The following SPESP1 variants were observed in gnomAD, a reference collection of about 807,000 sequenced individuals.
The protein encoded by SPESP1 is equatorial segment protein.
In SPESP1, 1 loss-of-function variant was observed where a neutral mutation model predicts 3.1. That is an observed-to-expected ratio of 0.33 (90% CI 0.12 to 1.54). The LOEUF (loss-of-function observed/expected upper bound fraction) is 1.54, where lower values mean the gene tolerates loss of function less well. Among genes scored for constraint, SPESP1 ranks in the 40% most tolerant of loss-of-function variants. SPESP1 has a pLI of 0.38. For missense variants in SPESP1, 398 were observed against 410.1 expected, an observed-to-expected ratio of 0.97 and a Z score of 0.26; for synonymous variants, 138 against 150.7, an observed-to-expected ratio of 0.92 and a Z score of 0.62.
intron 1 of SPESP1, among the ~76,000 whole-genome samples, chr15:68,931,961 A>G (rs537272183): frequency 6.6e-6 from 1 of 152,374 alleles, no homozygotes; most frequent in Admixed American, 6.5e-5. Flanking sequence ...TAAAAATCAA[A>G]TTTAAAAACT....
chr15:68,946,265 A>G lies in SPESP1; in HGVS notation c.731A>G (p.Asp244Gly), dbSNP rs1460296410. 4 of 1,614,010 alleles carry G rather than the reference A, an allele frequency of 2.5e-6. No individual in the cohort carries two copies. In the African/African-American group the frequency reaches 5.3e-5, roughly 22 times the overall value. The part of the protein sequence containing the change: ...NSQVQQALLS[D>G]TSNPAYREDI... Reference sequence around the variant, plus strand: ...CAAGTGCAACAGGCACTTCTTAGTGACACCAGCAACCCAGCATATAGAGAA... The same window carrying G: ...CAAGTGCAACAGGCACTTCTTAGTGGCACCAGCAACCCAGCATATAGAGAA... The change falls in exon 2 of 2, where the codon GAC (aspartate) becomes GGC (glycine). Residue 244 changes from aspartate (D) to glycine (G), a missense_variant. Physicochemically the swap from Asp to Gly is moderately conservative, Grantham distance 94. Transcript: ENST00000310673.
chr15:68,942,431 A>G (rs1320458929), intron 1 of SPESP1, among the ~76,000 whole-genome samples: 1 of 152,030 alleles, frequency 6.6e-6, no homozygotes, highest in Non-Finnish European at 1.5e-5. Flanking sequence ...ATTTTCCCTC[A>G]TCTAATTGCA....
At chr15:68,935,375 C>A (rs1406246068) in intron 1 of SPESP1, among the ~76,000 whole-genome samples, 1 of 152,210 alleles carries the variant, frequency 6.6e-6, no homozygotes, top group Non-Finnish European at 1.5e-5. Flanking sequence ...TGAGGTCACT[C>A]ATGCAGCTGC....
chr15:68,937,377 A>AT (rs1895706490), intron 1 of SPESP1, among the ~76,000 whole-genome samples: 1 of 152,240 alleles, frequency 6.6e-6, no homozygotes, highest in Non-Finnish European at 1.5e-5. Context: ...TATTAAACTA[A>AT]CAAATACAGT....
chr15:68,946,370 A>C lies in SPESP1; in HGVS notation c.836A>C (p.Tyr279Ser). Reference sequence around the variant, plus strand: ...GCAGAACATAAATTAAAAACAATGTATAAGTCCCAGTTATTGCCAGTAGGA... The same window carrying C: ...GCAGAACATAAATTAAAAACAATGTCTAAGTCCCAGTTATTGCCAGTAGGA... ...AAAEHKLKTM[Y>S]KSQLLPVGRT... The change falls in exon 2 of 2, where the codon TAT becomes TCT. Residue 279 changes from tyrosine to serine, a missense_variant. Tyr to Ser is a moderately radical substitution (Grantham distance 144, BLOSUM62 -2). Coordinates refer to ENST00000310673, the MANE Select transcript of SPESP1 (RefSeq NM_145658.4). 1 of 1,614,226 alleles carries C rather than the reference A, an allele frequency of 6.2e-7. No homozygotes were observed.
intron 1 of SPESP1, among the ~76,000 whole-genome samples, chr15:68,935,199 A>G (rs949273828): frequency 6.6e-6 from 1 of 152,216 alleles, no homozygotes; most frequent in African/African-American, 2.4e-5. Context: ...CATAGGATGC[A>G]TCTTGATTTT....
Position 68,930,569 on chromosome 15 carries a change from A to C in SPESP1, c.-85A>C. The C allele has an allele frequency of 6.4e-7, 1 of 1,572,760 alleles. No individual in the cohort carries two copies. The highest frequency in any genetic ancestry group is 1.1e-5 in the South Asian group (1 of 89,706). ...CCTGAGGCAGGACGGTACTCCGCTG[A>C]CACCTTCCCTTTCGGCCTTGAGGTT... On this transcript the variant is annotated 5_prime_UTR_variant, in exon 1 of 2. Coordinates refer to ENST00000310673, the MANE Select transcript of SPESP1 (RefSeq NM_145658.4).
intron 1 of SPESP1, 35 bp downstream of exon 1, chr15:68,930,752 G>A (rs775877161): frequency 8.7e-6 from 14 of 1,613,252 alleles, no homozygotes; most frequent in East Asian, 4.5e-5. Flanking sequence ...GCGGACCGGG[G>A]ACACCCTGGG....
At chr15:68,938,731 A>G (rs1250524299) in intron 1 of SPESP1, among the ~76,000 whole-genome samples, 2 of 152,196 alleles carry the variant, frequency 1.3e-5, no homozygotes, top group African/African-American at 4.8e-5. Context: ...TTATGACAAC[A>G]TTGTGTGGTT....
At position 68,946,727 on chromosome 15, in the gene SPESP1, G is replaced by A. The variant is rs904619759; in HGVS notation, c.*140G>A. ...AAATATTTTCTATTGTAGTTCAAAT[G>A]TGCCAACATCTTTATGTGTCATGTG... On this transcript the variant is annotated 3_prime_UTR_variant, in exon 2 of 2. Transcript: ENST00000310673. 5 of 1,085,254 alleles carry A rather than the reference G, an allele frequency of 4.6e-6. No individual in the cohort carries two copies. The highest frequency in any genetic ancestry group is 7.5e-5 in the Admixed American group (2 of 26,562). 67.2% of individuals were successfully genotyped at this position (1,085,254 alleles called of 1,614,324 possible). A position where few individuals can be genotyped will look rare whatever the true frequency, so the allele number is the denominator to read the frequency against.
chr15:68,945,108 A>T (rs924490114), intron 1 of SPESP1, among the ~76,000 whole-genome samples: 7 of 152,214 alleles, frequency 4.6e-5, no homozygotes, highest in African/African-American at 1.4e-4. Flanking sequence ...TGAGTTTGGG[A>T]TATTTATTAC....
At chr15:68,932,612 G>C (rs946691722) in intron 1 of SPESP1, among the ~76,000 whole-genome samples, 1 of 152,072 alleles carries the variant, frequency 6.6e-6, no homozygotes, top group South Asian at 2.1e-4. Flanking sequence ...GGCTGGTCTC[G>C]AGCTCCTGAC....
chr15:68,937,266 G>C (rs1182615941), intron 1 of SPESP1, among the ~76,000 whole-genome samples: 1 of 152,044 alleles, frequency 6.6e-6, no homozygotes, highest in East Asian at 1.9e-4. Flanking sequence ...CTTTTTGACT[G>C]TCTAGTATGG....
At position 68,946,284 on chromosome 15, in the gene SPESP1, T is replaced by C. The variant is rs150960787; in HGVS notation, c.750T>C (p.Tyr250=). The C allele has an allele frequency of 5.4e-5, 87 of 1,613,958 alleles. No homozygotes were observed. Among genetic ancestry groups the C allele is most frequent in the Non-Finnish European group, 6.3e-5 (74 of 1,180,032 alleles). The change falls in exon 2 of 2, where the codon TAT becomes TAC. Residue 250 remains tyrosine (Y), a synonymous_variant. Coordinates refer to ENST00000310673, the MANE Select transcript of SPESP1 (RefSeq NM_145658.4). Reference sequence around the variant, plus strand: ...TTAGTGACACCAGCAACCCAGCATATAGAGAAGATATTGAAGCCTCTAAAG... The same window carrying C: ...TTAGTGACACCAGCAACCCAGCATACAGAGAAGATATTGAAGCCTCTAAAG... ...ALLSDTSNPA[Y]REDIEASKDH...
At chr15:68,937,130 G>A (rs1006658491) in intron 1 of SPESP1, among the ~76,000 whole-genome samples, 1 of 152,114 alleles carries the variant, frequency 6.6e-6, no homozygotes, top group Non-Finnish European at 1.5e-5. Context: ...ATGAAGTCTA[G>A]TTTTCTTCCT....
Position 68,946,109 on chromosome 15 carries a change from T to C in SPESP1, c.575T>C (p.Ile192Thr), listed in dbSNP as rs972450791. Reference sequence around the variant, plus strand: ...TTAGATAAGAGCACTGGCATTGGGATCTCTACAGAATCAGAAGATGTTCCT... The same window carrying C: ...TTAGATAAGAGCACTGGCATTGGGACCTCTACAGAATCAGAAGATGTTCCT... ...TTLDKSTGIG[I>T]STESEDVPQL... Residue 192 changes from isoleucine (I) to threonine (T), a missense_variant, in exon 2 of 2, where the codon ATC (isoleucine) becomes ACC (threonine). Transcript: ENST00000310673. 4.3e-6 allele frequency: 7 copies of C among 1,614,080 alleles called. No individual in the cohort carries two copies. Among genetic ancestry groups the C allele is most frequent in the Non-Finnish European group, 2.5e-6 (3 of 1,179,996 alleles).
intron 1 of SPESP1, among the ~76,000 whole-genome samples, chr15:68,942,456 C>T (rs561434565): frequency 6.6e-6 from 1 of 152,110 alleles, no homozygotes; most frequent in East Asian, 1.9e-4. Context: ...CTAGTATCTC[C>T]AACATGATGT....
intron 1 of SPESP1, among the ~76,000 whole-genome samples, chr15:68,942,956 C>T (rs553450413): frequency 1.3e-5 from 2 of 151,802 alleles, no homozygotes; most frequent in East Asian, 3.9e-4. Flanking sequence ...AGTTATTTTC[C>T]TTTTTAAAAT....
chr15:68,935,993 T>C (rs1895671019), intron 1 of SPESP1, among the ~76,000 whole-genome samples: 2 of 152,226 alleles, frequency 1.3e-5, no homozygotes, highest in South Asian at 4.1e-4. Context: ...CAGCTTTCAG[T>C]TATTAATTCT....
Sources: gnomAD v4.1 joint callset for allele counts (sites outside exome capture counted in the v4.1 genomes callset) on GRCh38, gnomAD v4.1.1 for gene constraint, MANE v1.5 for transcripts, NCBI Gene and HGNC (gene_info 2026-07-23, HGNC 2026-07-21) for gene names.